The following PTPRQ variants were observed in gnomAD, a reference collection of about 807,000 sequenced individuals.
The protein encoded by PTPRQ is protein tyrosine phosphatase receptor type Q, also known as phosphatidylinositol phosphatase PTPRQ.
Under a neutral mutation model 246.0 loss-of-function variants are expected in PTPRQ, and 199 were observed. The ratio of observed to expected loss-of-function variants is 0.81; its 90% CI spans 0.72 to 0.91. The LOEUF (loss-of-function observed/expected upper bound fraction) is 0.91, where lower values mean the gene tolerates loss of function less well. Ranked by LOEUF, PTPRQ falls within the 40% of genes least tolerant of loss-of-function variation. The probability of loss-of-function intolerance (pLI) is 0.00; values close to 1 mark genes in which losing one functional copy is unlikely to be tolerated. For synonymous variants in PTPRQ, 869 were observed against 853.2 expected (o/e 1.02, Z -0.32); for missense variants, 2,624 against 2,528.4 (o/e 1.04, Z -0.81).
chr12:80,495,598 C>T (rs557504489), intron 12 of PTPRQ, among the ~76,000 whole-genome samples: 1 of 152,060 alleles, frequency 6.6e-6, no homozygotes, highest in Non-Finnish European at 1.5e-5. Context: ...TAAAAAGCAT[C>T]AGATCACAAG....
At chr12:80,604,197 A>C (rs916799262) in intron 26 of PTPRQ, among the ~76,000 whole-genome samples, 2 of 151,672 alleles carry the variant, frequency 1.3e-5, no homozygotes, top group South Asian at 2.1e-4. Flanking sequence ...GGAAATACTT[A>C]TCTCTCAATA....
chr12:80,522,353 T>C (rs1353978150), intron 17 of PTPRQ, among the ~76,000 whole-genome samples: 1 of 152,190 alleles, frequency 6.6e-6, no homozygotes, highest in Non-Finnish European at 1.5e-5. Context: ...ATACCATTTA[T>C]TTCCTTCTCC....
intron 39 of PTPRQ, among the ~76,000 whole-genome samples, chr12:80,668,290 T>G (rs1226827805): frequency 6.6e-6 from 1 of 151,866 alleles, no homozygotes; most frequent in Non-Finnish European, 1.5e-5. Flanking sequence ...TCAGAGAAAT[T>G]TGATAAATAT....
chr12:80,651,312 C>T (rs1468866661), intron 37 of PTPRQ, among the ~76,000 whole-genome samples: 1 of 152,036 alleles, frequency 6.6e-6, no homozygotes, highest in Admixed American at 6.6e-5. Context: ...TGCAAATTTA[C>T]TGTATCTTGA....
At chr12:80,553,849 T>A (rs1322758037) in intron 25 of PTPRQ, among the ~76,000 whole-genome samples, 1 of 152,188 alleles carries the variant, frequency 6.6e-6, no homozygotes, top group Admixed American at 6.5e-5. Context: ...GGTATTTAAT[T>A]TTTAGAACCT....
At chr12:80,661,232 CAT>C (rs1428402656) in intron 39 of PTPRQ, among the ~76,000 whole-genome samples, 3 of 149,764 alleles carry the variant, frequency 2.0e-5, no homozygotes, top group Non-Finnish European at 4.4e-5. Context: ...TATATAAACA[CAT>C]ATATGTGTGT....
intron 38 of PTPRQ, among the ~76,000 whole-genome samples, chr12:80,655,405 A>G (rs932633994): frequency 7.9e-5 from 12 of 152,154 alleles, no homozygotes; most frequent in Admixed American, 7.9e-4. Flanking sequence ...TTAATAGATC[A>G]TTTCCTTTTA....
rs1592789641 is a variant in PTPRQ, at chr12:80,679,761, CT to C, written c.*739del. On this transcript the variant is annotated 3_prime_UTR_variant, in exon 45 of 45. Coordinates refer to ENST00000644991, the MANE Select transcript of PTPRQ (RefSeq NM_001145026.2). ...AACTTTAAAACACAAGTTTTACCCCCTGTATTGTATATTCAAATATATAGTA... is the reference window on the plus strand; with the variant it reads ...AACTTTAAAACACAAGTTTTACCCCCGTATTGTATATTCAAATATATAGTA... 1 of 151,920 alleles carries C rather than the reference CT, an allele frequency of 6.6e-6. No individual in the cohort carries two copies. Among genetic ancestry groups the C allele is most frequent in the African/African-American group, 2.4e-5 (1 of 41,382 alleles). The allele number at this position is 151,920 out of a possible 1,614,324, so 9.4% of individuals were successfully genotyped here.
At chr12:80,657,678 C>T (rs571374236) in intron 38 of PTPRQ, among the ~76,000 whole-genome samples, 17 of 151,358 alleles carry the variant, frequency 1.1e-4, no homozygotes, top group South Asian at 6.2e-4. Flanking sequence ...TATGCTGATA[C>T]GGAAAGACAT....
chr12:80,529,567 T>G (rs1895785354), intron 17 of PTPRQ, among the ~76,000 whole-genome samples: 1 of 152,152 alleles, frequency 6.6e-6, no homozygotes, highest in African/African-American at 2.4e-5. Flanking sequence ...TAGCATGGAC[T>G]TGGTGTTGTA....
At chr12:80,618,446 A>G (rs899107655) in intron 30 of PTPRQ, among the ~76,000 whole-genome samples, 4 of 151,294 alleles carry the variant, frequency 2.6e-5, no homozygotes, top group African/African-American at 9.7e-5. Flanking sequence ...GCTTCTATAC[A>G]TATATTTTGG....
chr12:80,610,624 A>G lies in PTPRQ; in HGVS notation c.4917A>G (p.Ser1639=). The change falls in exon 28 of 45, where the codon TCA becomes TCG. Residue 1639 remains serine, a splice_region_variant and synonymous_variant. Transcript: ENST00000644991. Reference sequence around the variant, plus strand: ...AAATGATTGTTACTACTTTAGAATCAGGTAAGGAGAATTTCTCAACCTTGC... The same window carrying G: ...AAATGATTGTTACTACTTTAGAATCGGGTAAGGAGAATTTCTCAACCTTGC... ...SAEMIVTTLE[S]APKDPPNNMT... 3 of 1,541,430 alleles carry G rather than the reference A, an allele frequency of 1.9e-6. No individual in the cohort carries two copies. The South Asian group carries it at 3.6e-5, about 18-fold the overall frequency.
At chr12:80,669,314 G>A in intron 40 of PTPRQ, 25 bp from the exon 41 acceptor site, 2 of 1,547,330 alleles carry the variant, frequency 1.3e-6, no homozygotes, top group Non-Finnish European at 1.7e-6. Context: ...TGACGCTTAT[G>A]ACTGATGATT....
chr12:80,620,135 T>C lies in PTPRQ; in HGVS notation c.5390-19T>C, dbSNP rs1023403725. 2.0e-6 allele frequency: 3 copies of C among 1,522,644 alleles called. No homozygotes were observed. Among genetic ancestry groups the C allele is most frequent in the African/African-American group, 1.4e-5 (1 of 71,230 alleles). 94.3% of individuals were successfully genotyped at this position (1,522,644 alleles called of 1,614,324 possible). A position where few individuals can be genotyped will look rare whatever the true frequency, so the allele number is the denominator to read the frequency against. On this transcript the variant is annotated intron_variant, in intron 31 of 44. Transcript: ENST00000644991. ...CATATGTTACTTGGAATTATTGTTC[T>C]CTTTGTTTCTGAAAACAGCTCAGCA... is the stretch of plus-strand genomic sequence containing the variant.
At chr12:80,590,568 T>G (rs1374586495) in intron 26 of PTPRQ, among the ~76,000 whole-genome samples, 2 of 147,676 alleles carry the variant, frequency 1.4e-5, no homozygotes, top group Non-Finnish European at 3.0e-5. Context: ...CTCGGGAGGC[T>G]GAGGCAGGAG....
chr12:80,454,634 A>C (rs1174636270), intron 3 of PTPRQ: 3 of 671,824 alleles, frequency 4.5e-6, no homozygotes, highest in Admixed American at 2.3e-5. Flanking sequence ...ATTTTGACAT[A>C]TGTTCCTTTG....
Position 80,620,241 on chromosome 12 carries a change from C to T in PTPRQ, c.5477C>T (p.Pro1826Leu), listed in dbSNP as rs538126297. Residue 1826 changes from proline to leucine, a missense_variant, in exon 32 of 45, where the codon CCT becomes CTT. Physicochemically the swap from Pro to Leu is moderately conservative, Grantham distance 98. Coordinates refer to ENST00000644991, the MANE Select transcript of PTPRQ (RefSeq NM_001145026.2). ...TTTACAAATGAAGGCTTTCCTAACC[C>T]TCCATGTACAGAAGGAAAGACAAAG... ...PYFTNEGFPNPPCTEGKTKFS... is the reference protein window; with the variant it reads ...PYFTNEGFPNLPCTEGKTKFS... 6.5e-7 allele frequency: 1 copy of T among 1,549,326 alleles called. No homozygotes were observed. Among genetic ancestry groups the T allele is most frequent in the Non-Finnish European group, 8.7e-7 (1 of 1,145,416 alleles).
chr12:80,635,392 T>A (rs1051212245), intron 35 of PTPRQ, among the ~76,000 whole-genome samples: 46 of 152,308 alleles, frequency 3.0e-4, no homozygotes, highest in African/African-American at 1.1e-3. Flanking sequence ...GATTTTTACA[T>A]TAAACTTTTC....
chr12:80,567,362 T>C (rs1897010098), intron 25 of PTPRQ, among the ~76,000 whole-genome samples: 1 of 152,242 alleles, frequency 6.6e-6, no homozygotes, highest in Non-Finnish European at 1.5e-5. Context: ...TATTTTCTAC[T>C]TATGGGAAAT....
Sources: gnomAD v4.1 joint callset for allele counts (sites outside exome capture counted in the v4.1 genomes callset) on GRCh38, gnomAD v4.1.1 for gene constraint, MANE v1.5 for transcripts, NCBI Gene and HGNC (gene_info 2026-07-23, HGNC 2026-07-21) for gene names.